ZNF227: variants seen among roughly 807,000 people sequenced by gnomAD.
The protein encoded by ZNF227 is zinc finger protein 227.
A neutral mutation model predicts 13.2 loss-of-function variants in ZNF227; 12 were observed. That is an observed-to-expected ratio of 0.91 (90% CI 0.58 to 1.47). The LOEUF (loss-of-function observed/expected upper bound fraction) is 1.47, where lower values mean the gene tolerates loss of function less well. Ranked by LOEUF, ZNF227 falls within the 40% of genes most tolerant of loss-of-function variation. The pLI is 0.00. For missense variants in ZNF227, 885 were observed against 967.5 expected (o/e 0.91, Z 1.13); for synonymous variants, 338 against 326.0 (o/e 1.04, Z -0.40).
chr19:44,229,229 C>G (rs1409309954), intron 4 of ZNF227: 2 of 152,230 alleles, frequency 1.3e-5, no homozygotes, highest in Non-Finnish European at 2.9e-5. Flanking sequence ...CCAAGTATAA[C>G]TTGAGAGAGA....
At position 44,228,494 on chromosome 19, in the gene ZNF227, C is replaced by A; in HGVS notation, c.109C>A (p.Leu37Met). The A allele has an allele frequency of 6.2e-7, 1 of 1,613,826 alleles. No homozygotes were observed. The highest frequency in any genetic ancestry group is 1.3e-5 in the African/African-American group (1 of 74,922). ...DVAVVFSREE[L>M]RLLDLTQRKL... ...GGCTGTGGTCTTCTCCAGGGAGGAA[C>A]TGCGACTGCTCGATCTTACCCAGAG... Residue 37 changes from leucine to methionine, a missense_variant, in exon 4 of 6, where the codon CTG becomes ATG. Coordinates refer to ENST00000313040, the MANE Select transcript of ZNF227 (RefSeq NM_182490.3).
rs1974293989 is a variant in ZNF227 at position 44,235,133 on chromosome 19, A to G, written c.703A>G (p.Ile235Val). The change falls in exon 6 of 6, where the codon ATT (isoleucine) becomes GTT (valine). Residue 235 changes from isoleucine (I) to valine (V), a missense_variant. Transcript: ENST00000313040. Reference sequence around the variant, plus strand: ...CAAAGGTAATGAATATGGCAAAATCATTAGTGATGGCTCCAATCAGAAATT... The same window carrying G: ...CAAAGGTAATGAATATGGCAAAATCGTTAGTGATGGCTCCAATCAGAAATT... Reference protein sequence around the residue: ...PCKGNEYGKIISDGSNQKLPL... With the variant: ...PCKGNEYGKIVSDGSNQKLPL... 1 of 1,614,068 alleles carries G rather than the reference A, an allele frequency of 6.2e-7. No homozygotes were observed. The highest frequency in any genetic ancestry group is 1.1e-5 in the South Asian group (1 of 91,092).
At chr19:44,227,716 T>C (rs761409768) in intron 3 of ZNF227, among the ~76,000 whole-genome samples, 11 of 152,088 alleles carry the variant, frequency 7.2e-5, no homozygotes, top group Non-Finnish European at 1.6e-4. Context: ...GAAGAGGAAA[T>C]TCAGTTAGTG....
At chr19:44,218,489 A>G (rs1972118358) in intron 3 of ZNF227, among the ~76,000 whole-genome samples, 4 of 152,256 alleles carry the variant, frequency 2.6e-5, no homozygotes, top group Admixed American at 2.6e-4. Flanking sequence ...AAAGAATGAC[A>G]TGGTGTAATT....
At chr19:44,231,424 C>T (rs1357381382) in intron 5 of ZNF227, among the ~76,000 whole-genome samples, 1 of 152,006 alleles carries the variant, frequency 6.6e-6, no homozygotes, top group Non-Finnish European at 1.5e-5. Context: ...CAACCTTCGC[C>T]TCCTGGGTTC....
In ZNF227 at chr19:44,212,576, G is replaced by C. The variant is rs534541221; in HGVS notation, c.-167G>C. 1 of 152,158 alleles carries C rather than the reference G, an allele frequency of 6.6e-6. No homozygotes were observed. The highest frequency in any genetic ancestry group is 2.4e-5 in the African/African-American group (1 of 41,478). 9.4% of individuals were successfully genotyped at this position (152,158 alleles called of 1,614,324 possible). ...AAAGCGAGGCCGCCACCATCTTTTGGGTCCGGGAGGTGAGTCAGCCCTGCA... is the reference window on the plus strand; with the variant it reads ...AAAGCGAGGCCGCCACCATCTTTTGCGTCCGGGAGGTGAGTCAGCCCTGCA... On this transcript the variant is annotated 5_prime_UTR_variant, in exon 1 of 6. Coordinates refer to ENST00000313040, the MANE Select transcript of ZNF227 (RefSeq NM_182490.3).
At chr19:44,209,603 T>C (rs192697734), upstream of ZNF227, among the ~76,000 whole-genome samples, 365 of 152,306 alleles carry the variant, frequency 2.4e-3, 3 homozygotes, top group Middle Eastern at 0.01. Flanking sequence ...TTATTTATTT[T>C]TGAGACGGAG....
chr19:44,208,829 A>G (rs1971271709), upstream of ZNF227, among the ~76,000 whole-genome samples: 1 of 152,238 alleles, frequency 6.6e-6, no homozygotes, highest in South Asian at 2.1e-4. Flanking sequence ...TTCTCCTTAT[A>G]GAAATAATGC....
At chr19:44,224,340 C>T (rs867801639) in intron 3 of ZNF227, among the ~76,000 whole-genome samples, 23 of 152,238 alleles carry the variant, frequency 1.5e-4, no homozygotes, top group African/African-American at 4.3e-4. Flanking sequence ...CTTTCTGTCT[C>T]GTTGATCTGT....
rs1020324678 is a variant in ZNF227 at position 44,217,485 on chromosome 19, T to C, written c.-2-306T>C. The C allele has an allele frequency of 8.7e-6, 5 of 576,628 alleles. No homozygotes were observed. The African/African-American group carries it at 9.2e-5, about 11-fold the overall frequency. The allele number at this position is 576,628 out of a possible 1,614,324, so 35.7% of individuals were successfully genotyped here. A position where few individuals can be genotyped will look rare whatever the true frequency, so the allele number is the denominator to read the frequency against. On this transcript the variant is annotated intron_variant, in intron 2 of 5. Coordinates refer to ENST00000313040, the MANE Select transcript of ZNF227 (RefSeq NM_182490.3). ...AGGTTACACAGCTGGTAAGTATCAT[T>C]TCTAGGAATTAAACCCAGATACTTG...
rs888204805 is a variant in ZNF227 at position 44,236,124 on chromosome 19, T to G, written c.1694T>G (p.Leu565Arg). The change falls in exon 6 of 6, where the codon CTA becomes CGA. Residue 565 changes from leucine to arginine, a missense_variant. Coordinates refer to ENST00000313040, the MANE Select transcript of ZNF227 (RefSeq NM_182490.3). ...TTCAGTTATAGTTCAAATCTTAAAC[T>G]ACACCAAGTAATTCACACTGGAGAA... Reference protein sequence around the residue: ...KDFSYSSNLKLHQVIHTGEKP... With the variant: ...KDFSYSSNLKRHQVIHTGEKP... 9 of 1,613,818 alleles carry G rather than the reference T, an allele frequency of 5.6e-6. No individual in the cohort carries two copies. Among genetic ancestry groups the G allele is most frequent in the Non-Finnish European group, 7.6e-6 (9 of 1,179,966 alleles).
intron 3 of ZNF227, among the ~76,000 whole-genome samples, chr19:44,220,013 G>T (rs1356673098): frequency 6.6e-6 from 1 of 151,358 alleles, no homozygotes; most frequent in Non-Finnish European, 1.5e-5. Context: ...TCCCACCTAT[G>T]AGTGAGAACA....
At chr19:44,215,169 GTTTTTTT>G (rs35264039) in intron 2 of ZNF227, among the ~76,000 whole-genome samples, 1 of 137,952 alleles carries the variant, frequency 7.2e-6, no homozygotes, top group Non-Finnish European at 1.6e-5. Flanking sequence ...CATCAGGTCA[GTTTTTTT>G]TTTTTTTTTG....
At position 44,235,139 on chromosome 19, in the gene ZNF227, G is replaced by A. The variant is rs1974294571; in HGVS notation, c.709G>A (p.Asp237Asn). Residue 237 changes from aspartate to asparagine, a missense_variant, in exon 6 of 6, where the codon GAT becomes AAT. Asp to Asn is a conservative substitution (Grantham distance 23, BLOSUM62 1). Coordinates refer to ENST00000313040, the MANE Select transcript of ZNF227 (RefSeq NM_182490.3). ...TAATGAATATGGCAAAATCATTAGTGATGGCTCCAATCAGAAATTACCCTT... is the reference window on the plus strand; with the variant it reads ...TAATGAATATGGCAAAATCATTAGTAATGGCTCCAATCAGAAATTACCCTT... ...KGNEYGKIISDGSNQKLPLGE... is the reference protein window; with the variant it reads ...KGNEYGKIISNGSNQKLPLGE... 1.9e-6 allele frequency: 3 copies of A among 1,614,164 alleles called. No individual in the cohort carries two copies. In the East Asian group the frequency reaches 6.7e-5, roughly 36 times the overall value.
chr19:44,234,552 A>G, intron 5 of ZNF227, 150 bp from the exon 6 acceptor site: 1 of 712,046 alleles, frequency 1.4e-6, no homozygotes, highest in South Asian at 2.1e-5. Flanking sequence ...AAAACATGTC[A>G]AAAGAATACA....
Position 44,228,462 on chromosome 19 carries a change from AG to A in ZNF227, c.79del (p.Asp27MetfsTer57), listed in dbSNP as rs1483112421. On this transcript the variant is annotated frameshift_variant, in exon 4 of 6. Coordinates refer to ENST00000313040, the MANE Select transcript of ZNF227 (RefSeq NM_182490.3). LOFTEE classifies it high-confidence loss of function. Reference protein sequence around the residue: ...MTKFQEAVTFKDVAVVFSREE... With the variant: ...MTKFQEAVTFXDVAVVFSREE... ...ATATTGTAGGAGGCTGTGACATTCA[AG>A]GATGTGGCTGTGGTCTTCTCCAGGG... is the stretch of plus-strand genomic sequence containing the variant. 1 of 1,613,046 alleles carries A rather than the reference AG, an allele frequency of 6.2e-7. No individual in the cohort carries two copies. Among genetic ancestry groups the A allele is most frequent in the Non-Finnish European group, 8.5e-7 (1 of 1,179,716 alleles).
chr19:44,230,581 A>G (rs1973676555), intron 5 of ZNF227, among the ~76,000 whole-genome samples: 1 of 152,058 alleles, frequency 6.6e-6, no homozygotes, highest in Admixed American at 6.5e-5. Context: ...GCCTTGGTGG[A>G]GAGGCTCCCC....
At chr19:44,214,786 C>T (rs1971686051) in intron 2 of ZNF227, among the ~76,000 whole-genome samples, 1 of 144,608 alleles carries the variant, frequency 6.9e-6, no homozygotes, top group Admixed American at 6.9e-5. Context: ...CCTTCCACCC[C>T]ACTTTTTTTT....
At chr19:44,211,899 C>CTTT (rs528951551), upstream of ZNF227, among the ~76,000 whole-genome samples, 1 of 65,444 alleles carries the variant, frequency 1.5e-5, no homozygotes, top group Non-Finnish European at 3.9e-5. Flanking sequence ...TTTTTTTTTT[C>CTTT]TTTTTTTTTT....
Sources: allele counts gnomAD v4.1 joint callset (sites outside exome capture counted in the v4.1 genomes callset), GRCh38; gene constraint gnomAD v4.1.1; transcripts MANE v1.5; gene names NCBI Gene and HGNC (gene_info 2026-07-23, HGNC 2026-07-21).